The following IPO9 variants were observed in gnomAD, a reference collection of about 807,000 sequenced individuals.
The protein encoded by IPO9 is importin-9.
In IPO9, 28 loss-of-function variants were observed where a neutral mutation model predicts 128.6. The observed-to-expected ratio is 0.22, with a 90% CI of 0.16 to 0.30. The LOEUF is 0.30. Among genes scored for constraint, IPO9 ranks in the 10% least tolerant of loss-of-function variants. The pLI, the probability that IPO9 is intolerant of heterozygous loss-of-function variation, is 1.00. For synonymous variants in IPO9, 455 were observed against 475.8 expected (o/e 0.96, Z 0.57); for missense variants, 935 against 1,293.9 (o/e 0.72, Z 4.26).
At chr1:201,871,776 T>G (rs1312136119) in intron 19 of IPO9, among the ~76,000 whole-genome samples, 2 of 152,200 alleles carry the variant, frequency 1.3e-5, no homozygotes, top group Non-Finnish European at 2.9e-5. Context: ...TTCCCTGTCT[T>G]TCTTTATTGC....
At position 201,847,226 on chromosome 1, in the gene IPO9, A is replaced by G. The variant is rs1315721345; in HGVS notation, c.164-53A>G. On this transcript the variant is annotated intron_variant, in intron 1 of 23. Transcript: ENST00000361565. Reference sequence around the variant, plus strand: ...TGGCATCAGGGTTAGAGCTTAGTAAATTTCTATGGCTTTCCTAGGTACTCT... The same window carrying G: ...TGGCATCAGGGTTAGAGCTTAGTAAGTTTCTATGGCTTTCCTAGGTACTCT... 8.7e-6 allele frequency: 12 copies of G among 1,376,174 alleles called. No homozygotes were observed. The African/African-American group carries it at 1.7e-4, about 20-fold the overall frequency. The allele number at this position is 1,376,174 out of a possible 1,614,324, so 85.2% of individuals were successfully genotyped here. A position where few individuals can be genotyped will look rare whatever the true frequency, so the allele number is the denominator to read the frequency against.
At chr1:201,832,944 AT>A (rs1679865059) in intron 1 of IPO9, among the ~76,000 whole-genome samples, 1 of 152,266 alleles carries the variant, frequency 6.6e-6, no homozygotes, top group South Asian at 2.1e-4. Flanking sequence ...AGAAGTTGAC[AT>A]GCTGTGACCA....
intron 1 of IPO9, among the ~76,000 whole-genome samples, chr1:201,833,227 ATT>A (rs5780090): frequency 0.26 from 38,074 of 147,230 alleles, 5,025 homozygotes; most frequent in East Asian, 0.4. Flanking sequence ...TCCTGGAATG[ATT>A]TTTTTTTTTT....
At chr1:201,856,031 A>C in intron 10 of IPO9, 97 bp downstream of exon 10, 1 of 892,888 alleles carries the variant, frequency 1.1e-6, no homozygotes, top group East Asian at 2.9e-5. Flanking sequence ...ATTTCTAAAA[A>C]TAGACACAAA....
At chr1:201,857,583 G>T (rs55725112) in intron 11 of IPO9, among the ~76,000 whole-genome samples, 12,170 of 152,086 alleles carry the variant, frequency 0.08, 592 homozygotes, top group Admixed American at 0.13. Flanking sequence ...ATCACCTGAG[G>T]TCCAGAGTTC....
intron 13 of IPO9, among the ~76,000 whole-genome samples, chr1:201,863,180 A>G (rs921202506): frequency 2.0e-5 from 3 of 152,092 alleles, no homozygotes; most frequent in Middle Eastern, 3.2e-3. Context: ...GCAAAACGCC[A>G]TCTCTACTAA....
At chr1:201,875,873 G>A in intron 23 of IPO9, 71 bp from the exon 24 acceptor site, 1 of 904,180 alleles carries the variant, frequency 1.1e-6, no homozygotes, top group Non-Finnish European at 1.8e-6. Context: ...CCATTTGATT[G>A]TGGTTCTTGC....
intron 4 of IPO9, among the ~76,000 whole-genome samples, chr1:201,851,430 G>A (rs1235840502): frequency 2.0e-5 from 3 of 151,538 alleles, no homozygotes; most frequent in Non-Finnish European, 4.4e-5. Context: ...GGTCCTTTGT[G>A]CTGTCTCAGT....
intron 1 of IPO9, chr1:201,835,211 T>C (rs1180492737): frequency 6.6e-6 from 1 of 152,284 alleles, no homozygotes; most frequent in Non-Finnish European, 1.5e-5. Flanking sequence ...ATTAGTTGAC[T>C]GTCAAAGTAC....
intron 1 of IPO9, among the ~76,000 whole-genome samples, chr1:201,842,314 TGGA>T (rs1382806111): frequency 6.6e-6 from 1 of 152,212 alleles, no homozygotes; most frequent in African/African-American, 2.4e-5. Context: ...GGATGAGGTC[TGGA>T]AGGGTGGAAT....
chr1:201,869,076 C>A (rs887489449), intron 16 of IPO9, among the ~76,000 whole-genome samples: 1 of 152,162 alleles, frequency 6.6e-6, no homozygotes, highest in South Asian at 2.1e-4. Context: ...TGTGGTGAAA[C>A]CCTATCTCTA....
At chr1:201,848,683 C>T in intron 4 of IPO9, 89 bp downstream of exon 4, 1 of 1,263,138 alleles carries the variant, frequency 7.9e-7, no homozygotes, top group South Asian at 1.3e-5. Context: ...TGGCCTGGAC[C>T]AGTAGGAATT....
At chr1:201,871,425 C>T (rs535654284) in intron 19 of IPO9, 98 bp downstream of exon 19, 31 of 995,580 alleles carry the variant, frequency 3.1e-5, no homozygotes, top group Admixed American at 2.9e-4. Flanking sequence ...CTCGCTCTGT[C>T]GCCCAGGCTG....
chr1:201,855,301 T>G, intron 9 of IPO9, 119 bp downstream of exon 9: 1 of 635,990 alleles, frequency 1.6e-6, no homozygotes, highest in Non-Finnish European at 2.8e-6. Flanking sequence ...GTTTTCTAAT[T>G]CAGTTTATTT....
chr1:201,852,242 C>A, intron 5 of IPO9, 50 bp downstream of exon 5: 1 of 1,210,824 alleles, frequency 8.3e-7, no homozygotes, highest in Non-Finnish European at 1.2e-6. Flanking sequence ...TCTCTTCAGC[C>A]CCCAGCCTTT....
chr1:201,871,221 C>T lies in IPO9; in HGVS notation c.2470C>T (p.Leu824=). Residue 824 remains leucine (L), a synonymous_variant, in exon 19 of 24, where the codon CTG becomes TTG. Transcript: ENST00000361565. The part of the protein sequence containing the change: ...HTQLEPLLEF[L]CSLPGPTGKP... ...TCAGCTAGAACCTCTCTTGGAGTTC[C>T]TGTGTAGCCTCCCAGGACCTACTGG... The T allele has an allele frequency of 6.2e-7, 1 of 1,613,994 alleles. No individual in the cohort carries two copies. The highest frequency in any genetic ancestry group is 8.5e-7 in the Non-Finnish European group (1 of 1,180,010).
rs1332763187 is a variant in IPO9 at position 201,866,623 on chromosome 1, G to GAC, written c.1629-109_1629-108insCA. 3 of 768,006 alleles carry GAC rather than the reference G, an allele frequency of 3.9e-6. No homozygotes were observed. The Admixed American group carries it at 7.8e-5, about 20-fold the overall frequency. 47.6% of individuals were successfully genotyped at this position (768,006 alleles called of 1,614,324 possible). On this transcript the variant is annotated intron_variant, in intron 14 of 23. Transcript: ENST00000361565. ...AAGTAGAAACTTAAACCTAACTTTA[G>GAC]AATTAGCTTTATAAAGCTACACATA...
At chr1:201,829,553 G>T in intron 1 of IPO9, 181 bp downstream of exon 1, 1 of 370,116 alleles carries the variant, frequency 2.7e-6, no homozygotes, top group Non-Finnish European at 4.4e-6. Flanking sequence ...GGAGAGGCGC[G>T]CCTGAAGGAT....
chr1:201,838,505 A>T (rs1038972388), intron 1 of IPO9, among the ~76,000 whole-genome samples: 1 of 152,232 alleles, frequency 6.6e-6, no homozygotes, highest in African/African-American at 2.4e-5. Context: ...TTATAGATTT[A>T]ACCAGAGTCT....
Sources: gnomAD v4.1 joint callset for allele counts (sites outside exome capture counted in the v4.1 genomes callset) on GRCh38, gnomAD v4.1.1 for gene constraint, MANE v1.5 for transcripts, NCBI Gene and HGNC (gene_info 2026-07-23, HGNC 2026-07-21) for gene names.